Variants in ZSCAN22 observed in about 807,000 individuals in gnomAD.
The protein encoded by ZSCAN22 is zinc finger and SCAN domain containing 22, also known as zinc finger and SCAN domain-containing protein 22.
In ZSCAN22, 7 loss-of-function variants were observed where a neutral mutation model predicts 12.4. The ratio of observed to expected loss-of-function variants is 0.57; its 90% CI spans 0.32 to 1.06. The LOEUF (loss-of-function observed/expected upper bound fraction) is 1.06, where lower values mean the gene tolerates loss of function less well. Among genes scored for constraint, ZSCAN22 ranks in the 50% least tolerant of loss-of-function variants. The probability of loss-of-function intolerance (pLI) is 0.04; values close to 1 mark genes in which losing one functional copy is unlikely to be tolerated. For missense variants in ZSCAN22, 576 were observed against 631.7 expected (o/e 0.91, Z 0.94); for synonymous variants, 243 against 255.9 (o/e 0.95, Z 0.48).
rs1309686615 is a variant in ZSCAN22, at chr19:58,327,083, C to T, written c.-83C>T. 5.2e-5 allele frequency: 8 copies of T among 152,978 alleles called. No homozygotes were observed. Among genetic ancestry groups the T allele is most frequent in the African/African-American group, 1.7e-4 (7 of 41,460 alleles). The allele number at this position is 152,978 out of a possible 1,614,324, so 9.5% of individuals were successfully genotyped here. The stretch of plus-strand genomic sequence containing the variant: ...CAAGTTGGCTAGTCTCTGCGGCCAC[C>T]TCCGGAAGGGTCCGCCGGCTGTGCT... On this transcript the variant is annotated 5_prime_UTR_variant, in exon 1 of 3. Coordinates refer to ENST00000329665, the MANE Select transcript of ZSCAN22 (RefSeq NM_181846.3).
chr19:58,333,622 T>C (rs951314632), intron 1 of ZSCAN22, among the ~76,000 whole-genome samples: 20 of 152,190 alleles, frequency 1.3e-4, no homozygotes, highest in African/African-American at 4.8e-4. Context: ...GGCAGGCAGA[T>C]CGCTTGAGGT....
In ZSCAN22 at chr19:58,329,192, C is replaced by CA; in HGVS notation, c.-52+2079dup. ...CGAAGGGGCTTAAACGCAGCTTGGCCAGAGGCCACCAGAGGTCACCAGCGG... is the reference window on the plus strand; with the variant it reads ...CGAAGGGGCTTAAACGCAGCTTGGCCAAGAGGCCACCAGAGGTCACCAGCGG... On this transcript the variant is annotated intron_variant, in intron 1 of 2. Transcript: ENST00000329665. The surrounding 1 kb of genome is among the most constrained non-coding windows in gnomAD (Gnocchi z 4.1). 6.7e-6 allele frequency among the ~76,000 whole-genome samples: 1 copy of CA among 148,654 alleles called. No homozygotes were observed. The highest frequency in any genetic ancestry group is 2.1e-4 in the South Asian group (1 of 4,700).
chr19:58,332,156 C>T (rs1297276225), intron 1 of ZSCAN22, among the ~76,000 whole-genome samples: 1 of 152,072 alleles, frequency 6.6e-6, no homozygotes, highest in African/African-American at 2.4e-5. Context: ...CAGGCGTGAG[C>T]CACCGCGCCT....
chr19:58,334,915 G>T lies in ZSCAN22; in HGVS notation c.113G>T (p.Ser38Ile), dbSNP rs1481436604. 6.2e-7 allele frequency: 1 copy of T among 1,614,164 alleles called. No homozygotes were observed. Among genetic ancestry groups the T allele is most frequent in the Admixed American group, 1.7e-5 (1 of 60,030 alleles). ...EASLSQGGESSHDHIAHSEAA... is the reference protein window; with the variant it reads ...EASLSQGGESIHDHIAHSEAA... ...AGCCTCTCCCAGGGCGGAGAATCCAGCCATGACCACATTGCTCACTCTGAG... is the reference window on the plus strand; with the variant it reads ...AGCCTCTCCCAGGGCGGAGAATCCATCCATGACCACATTGCTCACTCTGAG... The change falls in exon 2 of 3, where the codon AGC (serine) becomes ATC (isoleucine). Residue 38 changes from serine to isoleucine, a missense_variant. Coordinates refer to ENST00000329665, the MANE Select transcript of ZSCAN22 (RefSeq NM_181846.3).
chr19:58,329,171 G>A lies in ZSCAN22; in HGVS notation c.-52+2057G>A, dbSNP rs2051692659. 1.3e-5 allele frequency among the ~76,000 whole-genome samples: 2 copies of A among 151,864 alleles called. No homozygotes were observed. The highest frequency in any genetic ancestry group is 2.9e-5 in the Non-Finnish European group (2 of 68,024). On this transcript the variant is annotated intron_variant, in intron 1 of 2. Coordinates refer to ENST00000329665, the MANE Select transcript of ZSCAN22 (RefSeq NM_181846.3). The surrounding 1 kb of genome is among the most constrained non-coding windows in gnomAD (Gnocchi z 4.1). ...CAGGAGAACTTTACAGTGCGGCGAA[G>A]GGGCTTAAACGCAGCTTGGCCAGAG...
In ZSCAN22 at chr19:58,339,607, G is replaced by T; in HGVS notation, c.*281G>T. ...GGGCTGTCCCAGAGAGAAGGCAGCC[G>T]AACTGAGGATTTAGACTGGTTCTGA... On this transcript the variant is annotated 3_prime_UTR_variant, in exon 3 of 3. Transcript: ENST00000329665. The surrounding 1 kb of genome is among the most constrained non-coding windows in gnomAD (Gnocchi z 5.6). The T allele has an allele frequency of 2.6e-6, 1 of 381,622 alleles. No homozygotes were observed. Among genetic ancestry groups the T allele is most frequent in the South Asian group, 6.2e-5 (1 of 16,100 alleles). 23.6% of individuals were successfully genotyped at this position (381,622 alleles called of 1,614,324 possible).
intron 1 of ZSCAN22, among the ~76,000 whole-genome samples, chr19:58,327,552 G>T (rs2051668899): frequency 6.6e-6 from 1 of 152,180 alleles, no homozygotes; most frequent in African/African-American, 2.4e-5. Context: ...GGTGTGGGGC[G>T]GACCCGTTTA....
rs749318957 is a variant in ZSCAN22 at position 58,338,497 on chromosome 19, C to T, written c.647C>T (p.Thr216Ile). ...KTSGPYKDVP[T>I]DQRGRESGAS... ...TCAGGGCCTTACAAGGATGTCCCCA[C>T]AGACCAGCGTGGCCGTGAATCTGGT... Residue 216 changes from threonine (T) to isoleucine (I), a missense_variant, in exon 3 of 3, where the codon ACA becomes ATA. By Grantham distance (89) the Thr-to-Ile change is moderately conservative. Transcript: ENST00000329665. The surrounding 1 kb of genome is among the most constrained non-coding windows in gnomAD (Gnocchi z 5.4). The T allele has an allele frequency of 1.2e-6, 2 of 1,614,228 alleles. No homozygotes were observed. Among genetic ancestry groups the T allele is most frequent in the East Asian group, 2.2e-5 (1 of 44,884 alleles).
rs533955774 is a variant in ZSCAN22, at chr19:58,331,693, C to T, written c.-51-3059C>T. Among the ~76,000 whole-genome samples, 572 of 151,394 alleles carry T rather than the reference C, an allele frequency of 3.8e-3. 2 individuals are homozygous for T. The highest frequency in any genetic ancestry group is 0.013 in the African/African-American group (525 of 41,240). On this transcript the variant is annotated intron_variant, in intron 1 of 2. Coordinates refer to ENST00000329665, the MANE Select transcript of ZSCAN22 (RefSeq NM_181846.3). Reference sequence around the variant, plus strand: ...CTAAGTAGCTGGGACTACAGGCACACGCCACCACGCCCAGCTAATTTTTTT... The same window carrying T: ...CTAAGTAGCTGGGACTACAGGCACATGCCACCACGCCCAGCTAATTTTTTT...
At chr19:58,336,814 T>C (rs1196292676) in intron 2 of ZSCAN22, among the ~76,000 whole-genome samples, 1 of 152,188 alleles carries the variant, frequency 6.6e-6, no homozygotes, top group African/African-American at 2.4e-5. Context: ...TTAGTGGCCC[T>C]GGAAGGCCAG....
At chr19:58,337,219 G>A (rs1044940222) in intron 2 of ZSCAN22, among the ~76,000 whole-genome samples, 3 of 152,350 alleles carry the variant, frequency 2.0e-5, no homozygotes, top group African/African-American at 4.8e-5. Context: ...TTTCACCATC[G>A]TGGGCTTCTG....
Position 58,338,353 on chromosome 19 carries a change from T to C in ZSCAN22, c.503T>C (p.Val168Ala). 6.2e-7 allele frequency: 1 copy of C among 1,614,030 alleles called. No individual in the cohort carries two copies. The highest frequency in any genetic ancestry group is 8.5e-7 in the Non-Finnish European group (1 of 1,179,990). ...SNVTETLMGG[V>A]SLGPAFVKAC... ...GTCACTGAGACCCTCATGGGAGGTG[T>C]TTCCCTTGGACCCGCCTTTGTCAAG... The change falls in exon 3 of 3, where the codon GTT (valine) becomes GCT (alanine). Residue 168 changes from valine (V) to alanine (A), a missense_variant. By Grantham distance (64) the Val-to-Ala change is moderately conservative. Coordinates refer to ENST00000329665, the MANE Select transcript of ZSCAN22 (RefSeq NM_181846.3). This position sits in a 1 kb window ranked among gnomAD's most constrained non-coding sequence, Gnocchi z 5.4.
rs1252515888 is a variant in ZSCAN22 at position 58,334,522 on chromosome 19, GT to G, written c.-51-228del. On this transcript the variant is annotated intron_variant, in intron 1 of 2. Coordinates refer to ENST00000329665, the MANE Select transcript of ZSCAN22 (RefSeq NM_181846.3). The stretch of plus-strand genomic sequence containing the variant: ...TTTAGTAGAGACGGGGTTTCACCAT[GT>G]TAGCCAGGATGGTGTTTGTTGTAAG... Among the ~76,000 whole-genome samples the G allele has an allele frequency of 4.6e-5, 7 of 152,192 alleles. No homozygotes were observed. In the East Asian group the frequency reaches 1.3e-3, roughly 29 times the overall value.
rs1299754545 is a variant in ZSCAN22, at chr19:58,338,555, C to G, written c.705C>G (p.Asn235Lys). ...ASRNSSSAWPNLTSQEKPPSE... is the reference protein window; with the variant it reads ...ASRNSSSAWPKLTSQEKPPSE... ...GGAACAGTTCTAGTGCGTGGCCAAA[C>G]CTCACCTCCCAAGAGAAGCCTCCTT... Residue 235 changes from asparagine to lysine, a missense_variant, in exon 3 of 3, where the codon AAC becomes AAG. Coordinates refer to ENST00000329665, the MANE Select transcript of ZSCAN22 (RefSeq NM_181846.3). This position sits in a 1 kb window ranked among gnomAD's most constrained non-coding sequence, Gnocchi z 5.4. 6.2e-7 allele frequency: 1 copy of G among 1,614,254 alleles called. No individual in the cohort carries two copies. Among genetic ancestry groups the G allele is most frequent in the Non-Finnish European group, 8.5e-7 (1 of 1,180,042 alleles).
intron 1 of ZSCAN22, among the ~76,000 whole-genome samples, chr19:58,328,638 C>G (rs2051684979): frequency 6.6e-6 from 1 of 152,170 alleles, no homozygotes; most frequent in Non-Finnish European, 1.5e-5. Context: ...GAACCTCAAC[C>G]TGATAGGAGT....
chr19:58,327,796 CTAAGAT>C (rs764550420), intron 1 of ZSCAN22, among the ~76,000 whole-genome samples: 3 of 152,122 alleles, frequency 2.0e-5, no homozygotes, highest in Admixed American at 6.5e-5. Context: ...GAGATGGTGA[CTAAGAT>C]TATGAATGAC....
intron 1 of ZSCAN22, among the ~76,000 whole-genome samples, chr19:58,330,848 G>A (rs889261446): frequency 2.6e-5 from 4 of 152,160 alleles, no homozygotes; most frequent in Non-Finnish European, 2.9e-5. Context: ...CTGTCCTTCC[G>A]TTGAGGCCAT....
chr19:58,331,074 T>G (rs1388870712), intron 1 of ZSCAN22, among the ~76,000 whole-genome samples: 1 of 152,164 alleles, frequency 6.6e-6, no homozygotes, highest in Non-Finnish European at 1.5e-5. Context: ...AATAAACAAG[T>G]AACCACATAC....
intron 1 of ZSCAN22, among the ~76,000 whole-genome samples, chr19:58,328,429 G>A (rs933083619): frequency 6.6e-6 from 1 of 152,182 alleles, no homozygotes; most frequent in Non-Finnish European, 1.5e-5. Context: ...TTGCTTACGT[G>A]TAGCAGGGGG....
Sources: allele counts gnomAD v4.1 joint callset (sites outside exome capture counted in the v4.1 genomes callset), GRCh38; gene constraint gnomAD v4.1.1; non-coding constraint Gnocchi (gnomAD v3.1); transcripts MANE v1.5; gene names NCBI Gene and HGNC (gene_info 2026-07-23, HGNC 2026-07-21).